CIMIP6: variants seen among roughly 807,000 people sequenced by gnomAD.
CIMIP6 encodes the protein ciliary microtubule inner protein 6, also known as uncharacterized protein C2orf73.
At chr2:54,357,924 A>G in the CIMIP6 span, among the ~76,000 whole-genome samples, 1 of 152,104 alleles carries the variant, frequency 6.6e-6, no homozygotes, top group Non-Finnish European at 1.5e-5. Flanking sequence ...TGTCCTTGAT[A>G]GAATTTTACT....
chr2:54,331,489 C>A, the CIMIP6 span, among the ~76,000 whole-genome samples: 1 of 152,056 alleles, frequency 6.6e-6, no homozygotes, highest in Non-Finnish European at 1.5e-5. Context: ...CATCCGACAT[C>A]GTAGAGTAAA....
the CIMIP6 span, chr2:54,358,816 CTATT>C: frequency 8.3e-6 from 4 of 480,452 alleles, no homozygotes; most frequent in Non-Finnish European, 1.5e-5. Flanking sequence ...TGAATCCATT[CTATT>C]TATTATTTAG....
the CIMIP6 span, among the ~76,000 whole-genome samples, chr2:54,373,685 A>G: frequency 1.1e-4 from 17 of 152,136 alleles, no homozygotes; most frequent in African/African-American, 4.1e-4. Flanking sequence ...CTGCCTATTC[A>G]ATAAAGACAC....
At chr2:54,384,090 G>A in the CIMIP6 span, among the ~76,000 whole-genome samples, 1 of 152,270 alleles carries the variant, frequency 6.6e-6, no homozygotes, top group South Asian at 2.1e-4. Flanking sequence ...GCACAAACCG[G>A]ACTAAGACAA....
At chr2:54,332,660 G>A in the CIMIP6 span, among the ~76,000 whole-genome samples, 2 of 152,112 alleles carry the variant, frequency 1.3e-5, no homozygotes, top group Non-Finnish European at 2.9e-5. Context: ...CAACCCGTAG[G>A]CATTCATACC....
At chr2:54,342,127 C>T in the CIMIP6 span, among the ~76,000 whole-genome samples, 1 of 152,294 alleles carries the variant, frequency 6.6e-6, no homozygotes, top group East Asian at 1.9e-4. Flanking sequence ...CTCCTGCTTA[C>T]AATTTGTCAT....
the CIMIP6 span, among the ~76,000 whole-genome samples, chr2:54,357,219 T>G: frequency 6.6e-6 from 1 of 152,218 alleles, no homozygotes; most frequent in Non-Finnish European, 1.5e-5. Context: ...TAACATGTAA[T>G]GTATAAGTAT....
the CIMIP6 span, among the ~76,000 whole-genome samples, chr2:54,344,201 C>G: frequency 6.6e-6 from 1 of 152,178 alleles, no homozygotes; most frequent in African/African-American, 2.4e-5. Flanking sequence ...AGGAAGGTAG[C>G]TGATGAAGAG....
chr2:54,348,624 TAGATG>T, the CIMIP6 span, among the ~76,000 whole-genome samples: 1 of 152,218 alleles, frequency 6.6e-6, no homozygotes, highest in Non-Finnish European at 1.5e-5. Context: ...ATTTGGATAT[TAGATG>T]AAAGTGATTT....
the CIMIP6 span, among the ~76,000 whole-genome samples, chr2:54,375,938 C>T: frequency 6.6e-6 from 1 of 151,838 alleles, no homozygotes; most frequent in Non-Finnish European, 1.5e-5. Flanking sequence ...CATAATGTGA[C>T]TATCCCTGGA....
the CIMIP6 span, chr2:54,360,397 G>A: frequency 4.4e-6 from 7 of 1,607,298 alleles, no homozygotes; most frequent in African/African-American, 5.3e-5. Flanking sequence ...AGCTGTTAGA[G>A]CCTAAAACTC....
the CIMIP6 span, among the ~76,000 whole-genome samples, chr2:54,376,009 T>C: frequency 2.0e-5 from 3 of 152,126 alleles, no homozygotes; most frequent in Admixed American, 2.0e-4. Flanking sequence ...TTGTTTAAAA[T>C]TTTTACAGTG....
At chr2:54,370,229 T>C in the CIMIP6 span, among the ~76,000 whole-genome samples, 1 of 151,932 alleles carries the variant, frequency 6.6e-6, no homozygotes, top group Non-Finnish European at 1.5e-5. Context: ...CACTCCAGCC[T>C]GGGCAGCAGA....
At chr2:54,384,151 T>C in the CIMIP6 span, among the ~76,000 whole-genome samples, 1 of 152,258 alleles carries the variant, frequency 6.6e-6, no homozygotes, top group South Asian at 2.1e-4. Context: ...TTTGCCAATG[T>C]ATCTCAATTA....
the CIMIP6 span, among the ~76,000 whole-genome samples, chr2:54,345,941 C>T: frequency 6.6e-6 from 1 of 152,038 alleles, no homozygotes; most frequent in African/African-American, 2.4e-5. Flanking sequence ...AGCACTGATG[C>T]AAGAGTACAA....
chr2:54,374,205 T>C, the CIMIP6 span, among the ~76,000 whole-genome samples: 1 of 152,240 alleles, frequency 6.6e-6, no homozygotes, highest in African/African-American at 2.4e-5. Flanking sequence ...TCCCATTTTA[T>C]CTGAGCATGT....
chr2:54,371,729 G>T, the CIMIP6 span, among the ~76,000 whole-genome samples: 1 of 152,226 alleles, frequency 6.6e-6, no homozygotes, highest in African/African-American at 2.4e-5. Context: ...AAACACAGTG[G>T]GTTGGCCAGG....
the CIMIP6 span, chr2:54,381,903 G>A: frequency 4.5e-6 from 7 of 1,550,634 alleles, no homozygotes; most frequent in Middle Eastern, 1.7e-4. Flanking sequence ...CACAGTGCAG[G>A]AAGAAAAGGA....
At chr2:54,331,141 G>A in the CIMIP6 span, 1 of 757,828 alleles carries the variant, frequency 1.3e-6, no homozygotes, top group Admixed American at 2.7e-5. Context: ...TTGGCTGAGC[G>A]CTTACAACAA....
Sources: allele counts gnomAD v4.1 joint callset (sites outside exome capture counted in the v4.1 genomes callset), GRCh38; gene constraint gnomAD v4.1.1; transcripts MANE v1.5; gene names NCBI Gene and HGNC (gene_info 2026-07-23, HGNC 2026-07-21).